The following PPFIA2 variants were observed in gnomAD, a reference collection of about 807,000 sequenced individuals.
The protein encoded by PPFIA2 is liprin-alpha-2.
Under a neutral mutation model 175.5 loss-of-function variants are expected in PPFIA2, and 46 were observed. That is an observed-to-expected ratio of 0.26 (90% CI 0.21 to 0.34). The LOEUF is 0.34. Ranked by LOEUF, PPFIA2 falls within the 10% of genes least tolerant of loss-of-function variation. The probability of loss-of-function intolerance (pLI) is 1.00; values close to 1 mark genes in which losing one functional copy is unlikely to be tolerated. For synonymous variants in PPFIA2, 568 were observed against 511.4 expected, an observed-to-expected ratio of 1.11 and a Z score of -1.49; for missense variants, 1,179 against 1,506.1, an observed-to-expected ratio of 0.78 and a Z score of 3.60.
intron 4 of PPFIA2, among the ~76,000 whole-genome samples, chr12:81,671,043 T>C (rs1233339889): frequency 2.0e-5 from 3 of 152,078 alleles, no homozygotes; most frequent in Non-Finnish European, 2.9e-5. Flanking sequence ...TCCAAATAAA[T>C]AGCTTTAAAT....
intron 4 of PPFIA2, chr12:81,512,274 C>A (rs764755313): frequency 7.8e-7 from 1 of 1,281,054 alleles, no homozygotes. Context: ...CATGCTGACA[C>A]AAAACATACC....
At chr12:81,662,345 G>T (rs534667133) in intron 4 of PPFIA2, among the ~76,000 whole-genome samples, 1 of 151,938 alleles carries the variant, frequency 6.6e-6, no homozygotes, top group African/African-American at 2.4e-5. Context: ...TCAAATAGAC[G>T]CAATAAACAA....
rs1435210623 is a variant in PPFIA2 at position 81,759,345 on chromosome 12, ACTC to A, written c.-179_-177del. On this transcript the variant is annotated 5_prime_UTR_variant, in exon 1 of 33. Coordinates refer to ENST00000549396, the MANE Select transcript of PPFIA2 (RefSeq NM_003625.5). ...TCACTTGCCTCGTGCGGTGGCTGCT[ACTC>A]CTCCTCCTCCGTCTCCTCCCCTCCT... 2.0e-5 allele frequency: 3 copies of A among 148,542 alleles called. No individual in the cohort carries two copies. The highest frequency in any genetic ancestry group is 4.5e-5 in the Non-Finnish European group (3 of 67,266). The allele number at this position is 148,542 out of a possible 1,614,324, so 9.2% of individuals were successfully genotyped here. A position where few individuals can be genotyped will look rare whatever the true frequency, so the allele number is the denominator to read the frequency against.
chr12:81,336,700 C>A (rs1181445112), intron 21 of PPFIA2, among the ~76,000 whole-genome samples: 12 of 152,058 alleles, frequency 7.9e-5, no homozygotes, highest in Admixed American at 7.9e-4. Context: ...TGAGTTAAAC[C>A]TTTTAAGAGT....
At chr12:81,317,619 G>A (rs2052708033) in intron 22 of PPFIA2, among the ~76,000 whole-genome samples, 1 of 151,608 alleles carries the variant, frequency 6.6e-6, no homozygotes, top group African/African-American at 2.4e-5. Context: ...CCAGGTTTCA[G>A]GTTTGGTCAC....
chr12:81,742,112 T>C (rs1400872134), intron 3 of PPFIA2, among the ~76,000 whole-genome samples: 1 of 152,166 alleles, frequency 6.6e-6, no homozygotes, highest in Non-Finnish European at 1.5e-5. Context: ...ATGAGTGAGC[T>C]GGAAAACAGT....
intron 4 of PPFIA2, among the ~76,000 whole-genome samples, chr12:81,580,527 C>G (rs980024890): frequency 4.0e-5 from 6 of 151,038 alleles, no homozygotes; most frequent in South Asian, 4.2e-4. Flanking sequence ...GTACAGGTAG[C>G]CTGATATTAA....
chr12:81,598,072 G>A, intron 4 of PPFIA2: 1 of 1,534,300 alleles, frequency 6.5e-7, no homozygotes. Context: ...AGGAGCTACA[G>A]ATGCAGAGCA....
chr12:81,440,426 C>T (rs1386392320), intron 6 of PPFIA2, among the ~76,000 whole-genome samples: 1 of 152,008 alleles, frequency 6.6e-6, no homozygotes, highest in Admixed American at 6.6e-5. Context: ...AAAAAATACC[C>T]CACCTTTTTC....
chr12:81,673,250 C>T (rs1446345241), intron 4 of PPFIA2, among the ~76,000 whole-genome samples: 1 of 152,058 alleles, frequency 6.6e-6, no homozygotes, highest in African/African-American at 2.4e-5. Context: ...CTCCAGATAG[C>T]AGGTTCATGC....
At chr12:81,277,484 A>T in intron 27 of PPFIA2, 70 bp from the exon 28 acceptor site, 1 of 1,418,030 alleles carries the variant, frequency 7.1e-7, no homozygotes, top group Non-Finnish European at 9.2e-7. Context: ...TTTTGTGATT[A>T]GCCATAGTCA....
intron 8 of PPFIA2, among the ~76,000 whole-genome samples, chr12:81,388,951 A>ATT (rs1339296436): frequency 2.0e-5 from 3 of 151,478 alleles, no homozygotes; most frequent in African/African-American, 4.8e-5. Flanking sequence ...TCCACACACC[A>ATT]TTATATATAT....
intron 4 of PPFIA2, among the ~76,000 whole-genome samples, chr12:81,518,128 A>G (rs1426555007): frequency 2.0e-5 from 3 of 152,136 alleles, no homozygotes; most frequent in African/African-American, 7.2e-5. Flanking sequence ...CACACAAAAA[A>G]TGCCCCAGAT....
chr12:81,727,167 T>C (rs1219324568), intron 3 of PPFIA2, among the ~76,000 whole-genome samples: 1 of 151,380 alleles, frequency 6.6e-6, no homozygotes, highest in Non-Finnish European at 1.5e-5. Context: ...GTTCCTTCCA[T>C]ACATTTCAGA....
At chr12:81,278,656 A>C (rs1565878509) in intron 27 of PPFIA2, among the ~76,000 whole-genome samples, 1 of 152,200 alleles carries the variant, frequency 6.6e-6, no homozygotes, top group Non-Finnish European at 1.5e-5. Context: ...AGTTCTGCCA[A>C]AATAGGGACA....
At chr12:81,406,875 A>G (rs1433908340) in intron 7 of PPFIA2, among the ~76,000 whole-genome samples, 1 of 152,172 alleles carries the variant, frequency 6.6e-6, no homozygotes, top group Non-Finnish European at 1.5e-5. Flanking sequence ...AACATGTCAC[A>G]AGACGAATAA....
intron 3 of PPFIA2, among the ~76,000 whole-genome samples, chr12:81,728,877 T>C (rs1363169888): frequency 6.6e-6 from 1 of 151,452 alleles, no homozygotes; most frequent in Non-Finnish European, 1.5e-5. Context: ...TATTGAGAGA[T>C]AGGTGGACAG....
At chr12:81,535,067 A>T (rs2065184334) in intron 4 of PPFIA2, among the ~76,000 whole-genome samples, 1 of 151,710 alleles carries the variant, frequency 6.6e-6, no homozygotes, top group African/African-American at 2.4e-5. Context: ...ATTTGAACTT[A>T]TTGTTATAGC....
intron 3 of PPFIA2, among the ~76,000 whole-genome samples, chr12:81,698,444 G>A (rs971092938): frequency 6.6e-5 from 10 of 151,960 alleles, no homozygotes; most frequent in African/African-American, 2.4e-4. Context: ...GCCAGATGAG[G>A]ACCCCTTGAC....
Sources: allele counts gnomAD v4.1 joint callset (sites outside exome capture counted in the v4.1 genomes callset), GRCh38; gene constraint gnomAD v4.1.1; transcripts MANE v1.5; gene names NCBI Gene and HGNC (gene_info 2026-07-23, HGNC 2026-07-21).